WDPCP: variants seen among roughly 807,000 people sequenced by gnomAD.
WDPCP encodes WD repeat containing planar cell polarity effector.
In WDPCP, 71 loss-of-function variants were observed where a neutral mutation model predicts 93.1. That is an observed-to-expected ratio of 0.76 (90% CI 0.63 to 0.93). The LOEUF is 0.93. WDPCP is among the 40% of genes least tolerant of loss of function. The probability of loss-of-function intolerance (pLI) is 0.00; values close to 1 mark genes in which losing one functional copy is unlikely to be tolerated. For synonymous variants in WDPCP, 315 were observed against 315.0 expected, an observed-to-expected ratio of 1.00 and a Z score of 0.00; for missense variants, 844 against 887.4, an observed-to-expected ratio of 0.95 and a Z score of 0.62.
chr2:63,696,703 T>C (rs1668965908), intron 2 of WDPCP, among the ~76,000 whole-genome samples: 1 of 152,346 alleles, frequency 6.6e-6, no homozygotes, highest in East Asian at 1.9e-4. Flanking sequence ...AGTCAGAGTA[T>C]ATGACCTGGG....
chr2:63,274,275 G>T (rs576280634), intron 13 of WDPCP, among the ~76,000 whole-genome samples: 4 of 151,804 alleles, frequency 2.6e-5, no homozygotes, highest in Non-Finnish European at 5.9e-5. Flanking sequence ...AATTAAGAAG[G>T]AAATAAAAAA....
intron 2 of WDPCP, among the ~76,000 whole-genome samples, chr2:63,697,139 G>C (rs1348992533): frequency 1.7e-5 from 1 of 58,390 alleles, no homozygotes; most frequent in Non-Finnish European, 3.9e-5. Context: ...AGCTGTAGTA[G>C]TAGTAGTAGT....
intron 12 of WDPCP, among the ~76,000 whole-genome samples, chr2:63,324,361 G>T (rs1013020011): frequency 6.6e-6 from 1 of 152,044 alleles, no homozygotes; most frequent in Admixed American, 6.5e-5. Flanking sequence ...TGCCCAGAAG[G>T]AAATAAGCAA....
chr2:63,695,912 G>C (rs986460825), intron 2 of WDPCP, among the ~76,000 whole-genome samples: 1 of 151,994 alleles, frequency 6.6e-6, no homozygotes, highest in Non-Finnish European at 1.5e-5. Context: ...CCTCATCCTT[G>C]TATTCTAAAA....
chr2:63,704,511 T>C (rs961551660), intron 2 of WDPCP, among the ~76,000 whole-genome samples: 26 of 152,116 alleles, frequency 1.7e-4, no homozygotes, highest in African/African-American at 6.0e-4. Context: ...GCATGAAGGG[T>C]TGTTGAATTT....
chr2:63,211,624 A>C (rs961503109), intron 14 of WDPCP, among the ~76,000 whole-genome samples: 3 of 152,162 alleles, frequency 2.0e-5, no homozygotes, highest in Non-Finnish European at 2.9e-5. Context: ...GACTTTGACG[A>C]GTTGAGAGAA....
Position 63,153,374 on chromosome 2 carries a change from T to C in WDPCP, c.2158+121A>G. On this transcript the variant is annotated intron_variant, in intron 16 of 17. Coordinates refer to ENST00000272321, the MANE Select transcript of WDPCP (RefSeq NM_015910.7). ...TATTTTATATCAATGACAAGCAGTC[T>C]TATACCAACTAGAAATGCTCAGAGT... The C allele has an allele frequency of 5.4e-6, 4 of 739,424 alleles. No homozygotes were observed. The South Asian group carries it at 7.5e-5, about 14-fold the overall frequency. The allele number at this position is 739,424 out of a possible 1,614,324, so 45.8% of individuals were successfully genotyped here.
intron 12 of WDPCP, among the ~76,000 whole-genome samples, chr2:63,371,637 C>CT (rs546382615): frequency 2.5e-4 from 37 of 149,362 alleles, no homozygotes; most frequent in Admixed American, 4.0e-4. Context: ...CCCTGACAAT[C>CT]TTTTTTTTTT....
chr2:63,556,658 G>T (rs768904088), intron 1 of WDPCP, among the ~76,000 whole-genome samples: 2 of 151,896 alleles, frequency 1.3e-5, no homozygotes, highest in African/African-American at 4.8e-5. Context: ...GGCTTTTTTA[G>T]TTTTCAGAAC....
chr2:63,568,978 T>C lies in WDPCP; in HGVS notation c.75+19219A>G, dbSNP rs904652443. On this transcript the variant is annotated intron_variant, in intron 1 of 17. Transcript: ENST00000272321. The stretch of plus-strand genomic sequence containing the variant: ...TGCTTCTAAGAGAAGTTACTATTTA[T>C]TCCTAATTAAATGGGGAGGAAAGTC... 4.6e-5 allele frequency among the ~76,000 whole-genome samples: 7 copies of C among 152,354 alleles called. No homozygotes were observed. The East Asian group carries it at 1.3e-3, about 29-fold the overall frequency.
intron 3 of WDPCP, among the ~76,000 whole-genome samples, chr2:63,642,086 T>C (rs989976363): frequency 6.6e-6 from 1 of 152,118 alleles, no homozygotes; most frequent in Non-Finnish European, 1.5e-5. Flanking sequence ...TTGTTGAAAA[T>C]GAGTTCATAT....
chr2:63,145,410 C>T (rs1671423442), intron 17 of WDPCP, among the ~76,000 whole-genome samples: 1 of 152,090 alleles, frequency 6.6e-6, no homozygotes, highest in Non-Finnish European at 1.5e-5. Context: ...AGCTCAGACT[C>T]TCCTTGGGCA....
chr2:63,346,444 A>T (rs1333436748), intron 12 of WDPCP, among the ~76,000 whole-genome samples: 1 of 152,166 alleles, frequency 6.6e-6, no homozygotes, highest in Non-Finnish European at 1.5e-5. Flanking sequence ...CAGATTTCTG[A>T]CTTCATTCAA....
intron 2 of WDPCP, among the ~76,000 whole-genome samples, chr2:63,771,057 T>TGG (rs1235677657): frequency 2.6e-5 from 4 of 151,628 alleles, no homozygotes; most frequent in African/African-American, 9.7e-5. Context: ...ACCTGTAACA[T>TGG]AAATATTTAT....
intron 1 of WDPCP, among the ~76,000 whole-genome samples, chr2:63,521,772 C>T (rs1218075537): frequency 6.6e-6 from 1 of 152,112 alleles, no homozygotes; most frequent in Non-Finnish European, 1.5e-5. Context: ...ACTGACCACC[C>T]AATCGGGCAT....
intron 14 of WDPCP, among the ~76,000 whole-genome samples, chr2:63,190,086 G>A (rs1277539681): frequency 6.6e-6 from 1 of 151,802 alleles, no homozygotes; most frequent in African/African-American, 2.4e-5. Flanking sequence ...TGTGATAACA[G>A]GGTGGGGAGA....
At chr2:63,519,525 T>G (rs774259825) in intron 1 of WDPCP, among the ~76,000 whole-genome samples, 5 of 152,152 alleles carry the variant, frequency 3.3e-5, no homozygotes, top group Admixed American at 6.5e-5. Flanking sequence ...CTGGAACACC[T>G]CAGCCCCTCC....
At chr2:63,773,518 A>T (rs149064053) in intron 2 of WDPCP, among the ~76,000 whole-genome samples, 2,578 of 152,174 alleles carry the variant, frequency 0.017, 24 homozygotes, top group African/African-American at 0.018. Context: ...AAGTAGACAT[A>T]ACATGGATAT....
At chr2:63,176,920 T>G (rs928631961) in intron 14 of WDPCP, among the ~76,000 whole-genome samples, 1 of 152,234 alleles carries the variant, frequency 6.6e-6, no homozygotes, top group African/African-American at 2.4e-5. Flanking sequence ...TAATTCATTT[T>G]GAGTTAATTT....
Sources: gnomAD v4.1 joint callset for allele counts (sites outside exome capture counted in the v4.1 genomes callset) on GRCh38, gnomAD v4.1.1 for gene constraint, MANE v1.5 for transcripts, NCBI Gene and HGNC (gene_info 2026-07-23, HGNC 2026-07-21) for gene names.